Variants in SLC71A2 observed in about 807,000 individuals in gnomAD.
The protein encoded by SLC71A2 is hippocampus abundant transcript-like 1.
chr9:94,440,839 A>AT, the SLC71A2 span: 13 of 423,380 alleles, frequency 3.1e-5, no homozygotes, highest in Admixed American at 4.0e-5. Flanking sequence ...CTTAACTTAA[A>AT]TTTTTTTTGA....
At chr9:94,436,060 C>G in the SLC71A2 span, among the ~76,000 whole-genome samples, 1 of 152,330 alleles carries the variant, frequency 6.6e-6, no homozygotes, top group East Asian at 1.9e-4. Context: ...TACTCTAATT[C>G]ATCTCTAGAT....
chr9:94,435,374 T>C, the SLC71A2 span, among the ~76,000 whole-genome samples: 1 of 152,226 alleles, frequency 6.6e-6, no homozygotes, highest in Non-Finnish European at 1.5e-5. Context: ...TGAACTGTCC[T>C]TGTTCCTTGC....
At chr9:94,457,950 G>A in the SLC71A2 span, among the ~76,000 whole-genome samples, 1 of 152,148 alleles carries the variant, frequency 6.6e-6, no homozygotes, top group African/African-American at 2.4e-5. Context: ...TGCCTACTGG[G>A]GACTGGTCTG....
At chr9:94,390,213 CAA>C in the SLC71A2 span, among the ~76,000 whole-genome samples, 1 of 151,566 alleles carries the variant, frequency 6.6e-6, no homozygotes, top group Non-Finnish European at 1.5e-5. Flanking sequence ...GACTCCATCT[CAA>C]AGAAAAATAA....
At chr9:94,381,359 T>G in the SLC71A2 span, among the ~76,000 whole-genome samples, 1 of 151,452 alleles carries the variant, frequency 6.6e-6, no homozygotes, top group African/African-American at 2.4e-5. Flanking sequence ...TAGCTTTTTT[T>G]TTTTTTTGTT....
the SLC71A2 span, among the ~76,000 whole-genome samples, chr9:94,392,839 T>C: frequency 6.6e-6 from 1 of 151,744 alleles, no homozygotes; most frequent in East Asian, 2.0e-4. Flanking sequence ...TGATCATCTT[T>C]AGTATTTCCT....
At chr9:94,441,807 G>T in the SLC71A2 span, among the ~76,000 whole-genome samples, 27 of 152,272 alleles carry the variant, frequency 1.8e-4, no homozygotes, top group Middle Eastern at 3.4e-3. Flanking sequence ...AAAGTTATAG[G>T]AGACCTTTTT....
At chr9:94,429,147 C>G in the SLC71A2 span, 1 of 1,606,110 alleles carries the variant, frequency 6.2e-7, no homozygotes, top group Non-Finnish European at 8.5e-7. Flanking sequence ...TTTCCTTTAA[C>G]TTAAATTTGA....
At chr9:94,379,247 C>T in the SLC71A2 span, among the ~76,000 whole-genome samples, 5 of 149,912 alleles carry the variant, frequency 3.3e-5, no homozygotes, top group African/African-American at 7.4e-5. Flanking sequence ...CCACCATGCC[C>T]GGATAATTTT....
At chr9:94,378,664 T>C in the SLC71A2 span, among the ~76,000 whole-genome samples, 1 of 152,082 alleles carries the variant, frequency 6.6e-6, no homozygotes, top group African/African-American at 2.4e-5. Flanking sequence ...GAGGACTCAC[T>C]CATTACTGTG....
chr9:94,376,609 A>G, the SLC71A2 span, among the ~76,000 whole-genome samples: 2 of 139,792 alleles, frequency 1.4e-5, no homozygotes, highest in African/African-American at 5.4e-5. Context: ...CCACAGTTCG[A>G]TAAGTTAACG....
At chr9:94,391,341 C>T in the SLC71A2 span, among the ~76,000 whole-genome samples, 2 of 145,026 alleles carry the variant, frequency 1.4e-5, no homozygotes, top group East Asian at 2.0e-4. Flanking sequence ...CCAGCCTGTG[C>T]AACAGAGCGA....
chr9:94,384,096 C>T, the SLC71A2 span, among the ~76,000 whole-genome samples: 1 of 152,144 alleles, frequency 6.6e-6, no homozygotes, highest in African/African-American at 2.4e-5. Flanking sequence ...CAGCCAATTT[C>T]CAGAACTACT....
chr9:94,460,031 A>G, the SLC71A2 span: 5 of 152,560 alleles, frequency 3.3e-5, no homozygotes, highest in Admixed American at 3.3e-4. Flanking sequence ...GGACATAATA[A>G]TATTGAATAG....
chr9:94,433,461 T>C, the SLC71A2 span, among the ~76,000 whole-genome samples: 5 of 149,990 alleles, frequency 3.3e-5, no homozygotes, highest in Non-Finnish European at 7.4e-5. Flanking sequence ...TCACCTGAGG[T>C]TGGGAGTTTG....
the SLC71A2 span, chr9:94,375,006 C>T: frequency 2.9e-5 from 29 of 1,009,762 alleles, no homozygotes; most frequent in Non-Finnish European, 3.6e-5. Flanking sequence ...GCGAGCCCGC[C>T]GCTCCGGGCA....
the SLC71A2 span, among the ~76,000 whole-genome samples, chr9:94,384,436 C>T: frequency 2.6e-5 from 4 of 151,196 alleles, no homozygotes; most frequent in Non-Finnish European, 5.9e-5. Flanking sequence ...CCTCCCCAGG[C>T]TCAGGCGATC....
chr9:94,459,593 TTC>T, the SLC71A2 span: 13 of 567,900 alleles, frequency 2.3e-5, no homozygotes, highest in African/African-American at 4.0e-5. Context: ...TTCTCTTACA[TTC>T]TTTTTTTTTT....
At chr9:94,379,329 A>G in the SLC71A2 span, among the ~76,000 whole-genome samples, 6 of 141,196 alleles carry the variant, frequency 4.2e-5, no homozygotes, top group Admixed American at 7.0e-5. Context: ...CAGGCGATCC[A>G]CCTGCCTTGG....
Sources: gnomAD v4.1 joint callset for allele counts (sites outside exome capture counted in the v4.1 genomes callset) on GRCh38, gnomAD v4.1.1 for gene constraint, MANE v1.5 for transcripts, NCBI Gene and HGNC (gene_info 2026-07-23, HGNC 2026-07-21) for gene names.